The following BET1L variants were observed in gnomAD, a reference collection of about 807,000 sequenced individuals.
BET1L encodes the protein BET1-like protein.
Under a neutral mutation model 12.6 loss-of-function variants are expected in BET1L, and 13 were observed. That is an observed-to-expected ratio of 1.03 (90% CI 0.67 to 1.64). The LOEUF is 1.64. BET1L is among the 40% of genes most tolerant of loss of function. BET1L has a pLI of 0.00. For missense variants in BET1L, 154 were observed against 150.7 expected, an observed-to-expected ratio of 1.02 and a Z score of -0.11; for synonymous variants, 60 against 56.9, an observed-to-expected ratio of 1.05 and a Z score of -0.25.
rs1855068506 is a variant in BET1L, at chr11:202,928, T to C, written c.*2374A>G. The C allele has an allele frequency of 2.0e-5, 3 of 152,286 alleles. No individual in the cohort carries two copies. Among genetic ancestry groups the C allele is most frequent in the Non-Finnish European group, 4.4e-5 (3 of 68,082 alleles). 9.4% of individuals were successfully genotyped at this position (152,286 alleles called of 1,614,324 possible). ...AGGACGACAGAGACCATATGATTAG[T>C]TCTTCATGAGGTTATGTTTACTACA... On this transcript the variant is annotated 3_prime_UTR_variant, in exon 4 of 4. Transcript: ENST00000382762.
chr11:206,736 G>C (rs1268961164), intron 1 of BET1L, among the ~76,000 whole-genome samples: 1 of 152,188 alleles, frequency 6.6e-6, no homozygotes, highest in Non-Finnish European at 1.5e-5. Flanking sequence ...GTCACATCAG[G>C]TGCGTGAGAA....
intron 3 of BET1L, 65 bp from the exon 4 acceptor site, chr11:205,534 C>T (rs1855127708): frequency 1.9e-6 from 3 of 1,614,070 alleles, no homozygotes; most frequent in African/African-American, 2.7e-5. Context: ...CGCACCAGTG[C>T]TGAAGGAGAC....
rs112178214 is a variant in BET1L at position 207,256 on chromosome 11, G to T, written c.19+47C>A. ...CGCGGCTCTACAGGCAGCGGCGTCG[G>T]TTTCGGCCCGGCCCTGCCCCCAACG... On this transcript the variant is annotated intron_variant, in intron 1 of 3. Transcript: ENST00000382762. 4.1e-6 allele frequency: 6 copies of T among 1,463,046 alleles called. No individual in the cohort carries two copies. The African/African-American group carries it at 8.0e-5, about 20-fold the overall frequency. 90.6% of individuals were successfully genotyped at this position (1,463,046 alleles called of 1,614,324 possible). A position where few individuals can be genotyped will look rare whatever the true frequency, so the allele number is the denominator to read the frequency against.
Position 205,320 on chromosome 11 carries a change from CAAG to C in BET1L, c.315_317del (p.Phe105del), listed in dbSNP as rs1166449335. 2 of 1,613,208 alleles carry C rather than the reference CAAG, an allele frequency of 1.2e-6. No individual in the cohort carries two copies. The highest frequency in any genetic ancestry group is 1.7e-6 in the Non-Finnish European group (2 of 1,179,466). On this transcript the variant is annotated inframe_deletion, in exon 4 of 4. Transcript: ENST00000382762. ...CACTGGCTCACGTCCTTGCCCTGGACAAGAAGTAGGAGAGGATGAAGAAGGCCA... is the reference window on the plus strand; with the variant it reads ...CACTGGCTCACGTCCTTGCCCTGGACAAGTAGGAGAGGATGAAGAAGGCCA...
rs998185172 is a variant in BET1L at position 203,470 on chromosome 11, G to C, written c.*1832C>G. Reference sequence around the variant, plus strand: ...CCATGGAAAGAGCACCTGGGGTGTAGCTGGTTACCACAGCTCAGCCACATT... The same window carrying C: ...CCATGGAAAGAGCACCTGGGGTGTACCTGGTTACCACAGCTCAGCCACATT... On this transcript the variant is annotated 3_prime_UTR_variant, in exon 4 of 4. Transcript: ENST00000382762. The C allele has an allele frequency of 1.3e-5, 2 of 152,552 alleles. No homozygotes were observed. The highest frequency in any genetic ancestry group is 4.8e-5 in the African/African-American group (2 of 41,472). 9.4% of individuals were successfully genotyped at this position (152,552 alleles called of 1,614,324 possible). A position where few individuals can be genotyped will look rare whatever the true frequency, so the allele number is the denominator to read the frequency against.
At position 206,686 on chromosome 11, in the gene BET1L, C is replaced by A. The variant is rs148775350; in HGVS notation, c.19+617G>T. ...CCCAGGGCAGAGTGCTCGCAGAGGC[C>A]TGGCCTGTGACAGGCTGGGCCAGGG... On this transcript the variant is annotated intron_variant, in intron 1 of 3. Coordinates refer to ENST00000382762, the MANE Select transcript of BET1L (RefSeq NM_001098787.2). Among the ~76,000 whole-genome samples, 166 of 152,328 alleles carry A rather than the reference C, an allele frequency of 1.1e-3. 3 individuals carry two copies. In the East Asian group the frequency reaches 0.031, roughly 28 times the overall value.
intron 1 of BET1L, 104 bp downstream of exon 1, chr11:207,193 CGGCCGA>C: frequency 7.2e-7 from 1 of 1,390,920 alleles, no homozygotes; most frequent in African/African-American, 1.5e-5. Context: ...AGGGTCCTCT[CGGCCGA>C]GGTCACCCCA....
rs1020334230 is a variant in BET1L at position 203,498 on chromosome 11, C to T, written c.*1804G>A. 6.6e-6 allele frequency: 1 copy of T among 152,558 alleles called. No homozygotes were observed. The highest frequency in any genetic ancestry group is 6.5e-5 in the Admixed American group (1 of 15,280). 9.5% of individuals were successfully genotyped at this position (152,558 alleles called of 1,614,324 possible). A position where few individuals can be genotyped will look rare whatever the true frequency, so the allele number is the denominator to read the frequency against. ...GGTTACCACAGCTCAGCCACATTCC[C>T]CAGAAACGGAGGTCAGCCCTCCATG... On this transcript the variant is annotated 3_prime_UTR_variant, in exon 4 of 4. Coordinates refer to ENST00000382762, the MANE Select transcript of BET1L (RefSeq NM_001098787.2).
In BET1L at chr11:207,359, C is replaced by CGACCACAGCCGCCTCAGACGT. The variant is rs1590071545; in HGVS notation, c.-39_-38insACGTCTGAGGCGGCTGTGGTC. 6.0e-6 allele frequency: 9 copies of CGACCACAGCCGCCTCAGACGT among 1,506,400 alleles called. No homozygotes were observed. The highest frequency in any genetic ancestry group is 2.3e-4 in the Middle Eastern group (1 of 4,410). The allele number at this position is 1,506,400 out of a possible 1,614,324, so 93.3% of individuals were successfully genotyped here. A position where few individuals can be genotyped will look rare whatever the true frequency, so the allele number is the denominator to read the frequency against. ...CGGCTCCTCGACGCGGACACCGACG[C>CGACCACAGCCGCCTCAGACGT]GGCCACAGCCGCCTCAGACGTGGCG... On this transcript the variant is annotated 5_prime_UTR_variant, in exon 1 of 4. Transcript: ENST00000382762.
Position 205,379 on chromosome 11 carries a change from G to T in BET1L, c.259C>A (p.Leu87Ile), listed in dbSNP as rs780380014. 6.2e-7 allele frequency: 1 copy of T among 1,614,212 alleles called. No individual in the cohort carries two copies. Among genetic ancestry groups the T allele is most frequent in the Non-Finnish European group, 8.5e-7 (1 of 1,180,034 alleles). The change falls in exon 4 of 4, where the codon CTT becomes ATT. Residue 87 changes from leucine to isoleucine, a missense_variant. Coordinates refer to ENST00000382762, the MANE Select transcript of BET1L (RefSeq NM_001098787.2). Reference protein sequence around the residue: ...MARSGQDNRKLLCGMAVGLIV... With the variant: ...MARSGQDNRKILCGMAVGLIV... ...AGACCCACGGCCATGCCACATAGAAGCTTCCGGTTGTCTTGTCCGGACCTT... is the reference window on the plus strand; with the variant it reads ...AGACCCACGGCCATGCCACATAGAATCTTCCGGTTGTCTTGTCCGGACCTT...
At chr11:207,177 C>A (rs1053986102) in intron 1 of BET1L, 126 bp downstream of exon 1, 9 of 1,291,700 alleles carry the variant, frequency 7.0e-6, no homozygotes, top group Middle Eastern at 2.4e-4. Flanking sequence ...AATCCGCCCC[C>A]CTGACAGGGT....
chr11:205,735 A>C, intron 2 of BET1L, 68 bp from the exon 3 acceptor site: 1 of 1,555,296 alleles, frequency 6.4e-7, no homozygotes, highest in Non-Finnish European at 8.7e-7. Flanking sequence ...CACCCTCCCC[A>C]GACCAGATAA....
Position 205,983 on chromosome 11 carries a change from C to A in BET1L, c.80G>T (p.Ser27Ile), listed in dbSNP as rs1230798498. The A allele has an allele frequency of 1.2e-6, 2 of 1,614,156 alleles. No homozygotes were observed. Among genetic ancestry groups the A allele is most frequent in the East Asian group, 2.2e-5 (1 of 44,890 alleles). The change falls in exon 2 of 4, where the codon AGC (serine) becomes ATC (isoleucine). Residue 27 changes from serine to isoleucine, a missense_variant. By Grantham distance (142) the Ser-to-Ile change is moderately radical. Transcript: ENST00000382762. ...LDRENKRMAD[S>I]LASKVTRLKS... ...GAGCCTGGTGACTTTGGAGGCCAGG[C>A]TGTCAGCCATTCGCTTGTTCTCCCG...
intron 2 of BET1L, 49 bp from the exon 3 acceptor site, chr11:205,716 T>C (rs779781808): frequency 1.9e-6 from 3 of 1,580,490 alleles, no homozygotes; most frequent in South Asian, 2.3e-5. Context: ...AGACACATAA[T>C]ACAGCACTCA....
In BET1L at chr11:205,965, G is replaced by T. The variant is rs767780165; in HGVS notation, c.98C>A (p.Thr33Asn). The T allele has an allele frequency of 6.2e-7, 1 of 1,614,086 alleles. No homozygotes were observed. Among genetic ancestry groups the T allele is most frequent in the Non-Finnish European group, 8.5e-7 (1 of 1,180,000 alleles). The change falls in exon 2 of 4, where the codon ACC (threonine) becomes AAC (asparagine). Residue 33 changes from threonine to asparagine, a missense_variant. Transcript: ENST00000382762. ...RMADSLASKV[T>N]RLKSLALDID... ...ACCACCACTGACCGATTTGAGCCTG[G>T]TGACTTTGGAGGCCAGGCTGTCAGC...
chr11:205,361 C>A lies in BET1L; in HGVS notation c.277G>T (p.Val93Leu). The change falls in exon 4 of 4, where the codon GTG becomes TTG. Residue 93 changes from valine (V) to leucine (L), a missense_variant. Val to Leu is a conservative substitution (Grantham distance 32, BLOSUM62 1). Coordinates refer to ENST00000382762, the MANE Select transcript of BET1L (RefSeq NM_001098787.2). The part of the protein sequence containing the change: ...DNRKLLCGMA[V>L]GLIVAFFILS... ...ATGAAGAAGGCCACAATTAGACCCA[C>A]GGCCATGCCACATAGAAGCTTCCGG... The A allele has an allele frequency of 6.2e-7, 1 of 1,614,122 alleles. No homozygotes were observed. The highest frequency in any genetic ancestry group is 8.5e-7 in the Non-Finnish European group (1 of 1,179,998).
chr11:207,139 C>T (rs1855187278), intron 1 of BET1L, 164 bp downstream of exon 1: 1 of 970,152 alleles, frequency 1.0e-6, no homozygotes, highest in Non-Finnish European at 1.4e-6. Context: ...GGCCGAAACC[C>T]GGCCCTGCTC....
At chr11:207,254 C>G in intron 1 of BET1L, 49 bp downstream of exon 1, 1 of 1,518,588 alleles carries the variant, frequency 6.6e-7, no homozygotes, top group Non-Finnish European at 8.8e-7. Context: ...GCAGCGGCGT[C>G]GGTTTCGGCC....
intron 1 of BET1L, chr11:207,046 G>C: frequency 2.0e-6 from 1 of 507,386 alleles, no homozygotes; most frequent in Non-Finnish European, 3.5e-6. Context: ...GGGCGGCGGG[G>C]AGTGGGGAGA....
Sources: gnomAD v4.1 joint callset for allele counts (sites outside exome capture counted in the v4.1 genomes callset) on GRCh38, gnomAD v4.1.1 for gene constraint, MANE v1.5 for transcripts, NCBI Gene and HGNC (gene_info 2026-07-23, HGNC 2026-07-21) for gene names.